The following SLC35F2 variants were observed in gnomAD, a reference collection of about 807,000 sequenced individuals.
The protein encoded by SLC35F2 is solute carrier family 35 member F2.
A neutral mutation model predicts 38.1 loss-of-function variants in SLC35F2; 25 were observed. The observed-to-expected ratio is 0.66, with a 90% CI of 0.48 to 0.92. The LOEUF is 0.92. SLC35F2 is among the 40% of genes least tolerant of loss of function. The pLI, the probability that SLC35F2 is intolerant of heterozygous loss-of-function variation, is 0.00. For synonymous variants in SLC35F2, 173 were observed against 181.7 expected (o/e 0.95, Z 0.38); for missense variants, 409 against 452.9 (o/e 0.90, Z 0.88).
At chr11:107,856,439 A>C (rs1565444529) in intron 1 of SLC35F2, among the ~76,000 whole-genome samples, 1 of 152,124 alleles carries the variant, frequency 6.6e-6, no homozygotes, top group Non-Finnish European at 1.5e-5. Flanking sequence ...TCACGCCTGT[A>C]ATCCCACTAC....
intron 1 of SLC35F2, among the ~76,000 whole-genome samples, chr11:107,828,832 C>A (rs537388587): frequency 6.6e-6 from 1 of 152,108 alleles, no homozygotes; most frequent in Admixed American, 6.6e-5. Context: ...CCCGGCCGGG[C>A]GCAGTGACTC....
chr11:107,829,774 A>T (rs1565436494), intron 1 of SLC35F2, among the ~76,000 whole-genome samples: 1 of 151,590 alleles, frequency 6.6e-6, no homozygotes, highest in African/African-American at 2.4e-5. Context: ...AGTAGAAAAA[A>T]ATATATATAT....
chr11:107,792,607 T>C lies in SLC35F2; in HGVS notation c.*8A>G. The C allele has an allele frequency of 6.2e-7, 1 of 1,601,836 alleles. No homozygotes were observed. The highest frequency in any genetic ancestry group is 1.1e-5 in the South Asian group (1 of 88,486). On this transcript the variant is annotated 3_prime_UTR_variant, in exon 8 of 8. Coordinates refer to ENST00000525815, the MANE Select transcript of SLC35F2 (RefSeq NM_017515.5). ...CCTGGTGGGGGATGGGTGCGCCATCTTCTCCAGCTACAAGACAGCAGAGTG... is the reference window on the plus strand; with the variant it reads ...CCTGGTGGGGGATGGGTGCGCCATCCTCTCCAGCTACAAGACAGCAGAGTG...
chr11:107,818,927 G>A (rs958647680), intron 1 of SLC35F2, among the ~76,000 whole-genome samples: 2 of 152,116 alleles, frequency 1.3e-5, no homozygotes, highest in Non-Finnish European at 2.9e-5. Flanking sequence ...GATTGCTTGA[G>A]CCCAAGAGTT....
rs866567895 is a variant in SLC35F2 at position 107,810,036 on chromosome 11, T to C, written c.414+1631A>G. On this transcript the variant is annotated intron_variant, in intron 3 of 7. Transcript: ENST00000525815. Reference sequence around the variant, plus strand: ...GGTAATTACAGAACCTTCTAAGGAATCCTTAAGAAGAAGGTTCAAAGACCA... The same window carrying C: ...GGTAATTACAGAACCTTCTAAGGAACCCTTAAGAAGAAGGTTCAAAGACCA... The C allele has an allele frequency of 9.1e-6, 9 of 985,276 alleles. No homozygotes were observed. In the South Asian group the frequency reaches 3.8e-4, roughly 41 times the overall value. 61.0% of individuals were successfully genotyped at this position (985,276 alleles called of 1,614,324 possible). A position where few individuals can be genotyped will look rare whatever the true frequency, so the allele number is the denominator to read the frequency against.
At position 107,815,787 on chromosome 11, in the gene SLC35F2, T is replaced by C. The variant is rs1309476624; in HGVS notation, c.286+3A>G. 1.2e-6 allele frequency: 2 copies of C among 1,603,852 alleles called. No homozygotes were observed. Among genetic ancestry groups the C allele is most frequent in the Non-Finnish European group, 8.5e-7 (1 of 1,175,702 alleles). ...GAAAAGATAATTTCCACATTTGACA[T>C]ACCTGATCGAAATGCCAGCATCACT... is the stretch of plus-strand genomic sequence containing the variant. On this transcript the variant is annotated splice_donor_region_variant and intron_variant, in intron 2 of 7. Coordinates refer to ENST00000525815, the MANE Select transcript of SLC35F2 (RefSeq NM_017515.5).
chr11:107,857,355 AGGAGAGAG>A (rs764338219), intron 1 of SLC35F2, among the ~76,000 whole-genome samples: 10 of 139,962 alleles, frequency 7.1e-5, no homozygotes, highest in African/African-American at 2.4e-4. Flanking sequence ...GAAGGAAGGA[AGGAGAGAG>A]GGAGAGAGGG....
At chr11:107,839,364 G>A (rs1302801653) in intron 1 of SLC35F2, among the ~76,000 whole-genome samples, 1 of 152,162 alleles carries the variant, frequency 6.6e-6, no homozygotes, top group East Asian at 1.9e-4. Flanking sequence ...AAGAGGCTGA[G>A]GTGGGAGGAT....
At chr11:107,838,285 G>A (rs1383290857) in intron 1 of SLC35F2, among the ~76,000 whole-genome samples, 1 of 152,100 alleles carries the variant, frequency 6.6e-6, no homozygotes. Flanking sequence ...AAATAAATGT[G>A]TGTGGGTGCC....
At chr11:107,816,577 G>A (rs1269879329) in intron 1 of SLC35F2, among the ~76,000 whole-genome samples, 2 of 151,150 alleles carry the variant, frequency 1.3e-5, no homozygotes, top group Admixed American at 6.6e-5. Flanking sequence ...GTGAGCCATC[G>A]TGACTGGCCC....
At chr11:107,806,660 G>C (rs1391261921) in intron 4 of SLC35F2, 57 bp downstream of exon 4, 4 of 1,494,998 alleles carry the variant, frequency 2.7e-6, no homozygotes, top group Non-Finnish European at 9.1e-7. Flanking sequence ...TGATATAAAA[G>C]TGAAAACATA....
In SLC35F2 at chr11:107,810,947, T is replaced by C. The variant is rs903621078; in HGVS notation, c.414+720A>G. 5 of 974,384 alleles carry C rather than the reference T, an allele frequency of 5.1e-6. No individual in the cohort carries two copies. In the African/African-American group the frequency reaches 8.8e-5, roughly 17 times the overall value. The allele number at this position is 974,384 out of a possible 1,614,324, so 60.4% of individuals were successfully genotyped here. ...CAAATCCCACATCTGATACACACTTTTTTTTATTATTTAAAAAAATGAAAA... is the reference window on the plus strand; with the variant it reads ...CAAATCCCACATCTGATACACACTTCTTTTTATTATTTAAAAAAATGAAAA... On this transcript the variant is annotated intron_variant, in intron 3 of 7. Coordinates refer to ENST00000525815, the MANE Select transcript of SLC35F2 (RefSeq NM_017515.5).
At position 107,805,473 on chromosome 11, in the gene SLC35F2, GC is replaced by G. The variant is rs756208592; in HGVS notation, c.616del (p.Ala206LeufsTer15). ...LIGDILVLLG[A>X]SLYAISNVCE... ...AACATTTGAAATGGCATAGAGGGAA[GC>G]CCCAAGAAGGACCAAGATGTCACCA... On this transcript the variant is annotated frameshift_variant, in exon 5 of 8. Transcript: ENST00000525815. LOFTEE classifies it high-confidence loss of function. 3 of 1,614,008 alleles carry G rather than the reference GC, an allele frequency of 1.9e-6. No individual in the cohort carries two copies. Among genetic ancestry groups the G allele is most frequent in the Non-Finnish European group, 2.5e-6 (3 of 1,179,994 alleles).
intron 1 of SLC35F2, among the ~76,000 whole-genome samples, chr11:107,844,978 GA>G (rs370512798): frequency 0.5 from 54,993 of 110,568 alleles, 10,661 homozygotes; most frequent in Admixed American, 0.57. Flanking sequence ...TCCATCTCAA[GA>G]AAAAAAAAAA....
intron 1 of SLC35F2, among the ~76,000 whole-genome samples, chr11:107,838,934 G>A (rs1313500685): frequency 6.6e-6 from 1 of 152,016 alleles, no homozygotes; most frequent in African/African-American, 2.4e-5. Flanking sequence ...TGGCCGATAA[G>A]TTTCTCTTAA....
intron 1 of SLC35F2, among the ~76,000 whole-genome samples, chr11:107,819,012 G>A (rs2134801013): frequency 6.6e-6 from 1 of 152,270 alleles, no homozygotes; most frequent in East Asian, 1.9e-4. Context: ...TAGATATGCT[G>A]AGATTTAATC....
intron 1 of SLC35F2, among the ~76,000 whole-genome samples, chr11:107,853,633 T>C (rs904354242): frequency 1.4e-5 from 2 of 139,856 alleles, no homozygotes; most frequent in Non-Finnish European, 3.0e-5. Context: ...GGCAGGAGAA[T>C]GGCGTGAACC....
chr11:107,849,736 A>T (rs1473077788), intron 1 of SLC35F2, among the ~76,000 whole-genome samples: 3 of 151,998 alleles, frequency 2.0e-5, no homozygotes, highest in Non-Finnish European at 2.9e-5. Context: ...ATAAGCACTG[A>T]CTTCCTTCAA....
chr11:107,836,528 TAAAAGCAA>T (rs1349695018), intron 1 of SLC35F2, among the ~76,000 whole-genome samples: 1 of 152,218 alleles, frequency 6.6e-6, no homozygotes, highest in Non-Finnish European at 1.5e-5. Flanking sequence ...CATGAGACTT[TAAAAGCAA>T]AAACGTTTCC....
Sources: gnomAD v4.1 joint callset for allele counts (sites outside exome capture counted in the v4.1 genomes callset) on GRCh38, gnomAD v4.1.1 for gene constraint, MANE v1.5 for transcripts, NCBI Gene and HGNC (gene_info 2026-07-23, HGNC 2026-07-21) for gene names.